PCLO: variants seen among roughly 807,000 people sequenced by gnomAD.
PCLO encodes the protein protein piccolo.
A neutral mutation model predicts 427.5 loss-of-function variants in PCLO; 82 were observed. The observed-to-expected ratio is 0.19, with a 90% CI of 0.16 to 0.23. The LOEUF is 0.23. Ranked by LOEUF, PCLO falls within the 10% of genes least tolerant of loss-of-function variation. The pLI is 1.00. For synonymous variants in PCLO, 2,357 were observed against 2,155.4 expected, an observed-to-expected ratio of 1.09 and a Z score of -2.59; for missense variants, 6,239 against 6,115.9, an observed-to-expected ratio of 1.02 and a Z score of -0.67.
At chr7:82,776,535 C>T (rs1360494161) in intron 22 of PCLO, among the ~76,000 whole-genome samples, 2 of 149,182 alleles carry the variant, frequency 1.3e-5, no homozygotes, top group African/African-American at 2.5e-5. Flanking sequence ...TGACTCATGC[C>T]TGTAATCCCA....
chr7:82,805,541 A>AT (rs1291979315), intron 21 of PCLO, 147 bp downstream of exon 21: 4 of 659,820 alleles, frequency 6.1e-6, no homozygotes, highest in Non-Finnish European at 1.0e-5. Flanking sequence ...TGAACTATCT[A>AT]TTTTTACATA....
intron 3 of PCLO, among the ~76,000 whole-genome samples, chr7:83,035,407 T>A (rs2116169436): frequency 6.6e-6 from 1 of 152,308 alleles, no homozygotes; most frequent in African/African-American, 2.4e-5. Context: ...AGATTTCATA[T>A]CTGACAGTTA....
In PCLO at chr7:82,914,580, C is replaced by CA. The variant is rs1239564178; in HGVS notation, c.13300+105dup. Reference sequence around the variant, plus strand: ...AAAATTGAAGTAAACATGCAAAAGACACACCAAGAAAAGTAGGATACATCT... The same window carrying CA: ...AAAATTGAAGTAAACATGCAAAAGACAACACCAAGAAAAGTAGGATACATCT... On this transcript the variant is annotated intron_variant, in intron 7 of 24. Coordinates refer to ENST00000333891, the MANE Select transcript of PCLO (RefSeq NM_033026.6). 3 of 1,094,904 alleles carry CA rather than the reference C, an allele frequency of 2.7e-6. No homozygotes were observed. In the South Asian group the frequency reaches 4.0e-5, roughly 15 times the overall value. The allele number at this position is 1,094,904 out of a possible 1,614,324, so 67.8% of individuals were successfully genotyped here.
chr7:82,906,131 G>A (rs958792085), intron 8 of PCLO, among the ~76,000 whole-genome samples: 9 of 151,328 alleles, frequency 5.9e-5, no homozygotes, highest in Non-Finnish European at 3.0e-5. Flanking sequence ...TTTAAGATTC[G>A]GTTTATTTTT....
intron 3 of PCLO, among the ~76,000 whole-genome samples, chr7:83,038,087 TTATA>T (rs200769328): frequency 3.0e-5 from 2 of 66,274 alleles, no homozygotes; most frequent in African/African-American, 5.7e-5. Context: ...ATATATATCT[TTATA>T]TATATATATT....
intron 3 of PCLO, among the ~76,000 whole-genome samples, chr7:83,117,534 C>A (rs1214961370): frequency 6.6e-6 from 1 of 152,208 alleles, no homozygotes; most frequent in African/African-American, 2.4e-5. Flanking sequence ...GCCTCAAGAG[C>A]TGACATACTA....
chr7:82,883,950 T>C (rs1018066592), intron 9 of PCLO, among the ~76,000 whole-genome samples: 3 of 152,066 alleles, frequency 2.0e-5, no homozygotes, highest in Non-Finnish European at 2.9e-5. Context: ...TGTGTACTTT[T>C]GGTAGACAGG....
chr7:82,756,144 C>T lies in PCLO; in HGVS notation c.*2431G>A, dbSNP rs1790312921. 6.6e-6 allele frequency: 1 copy of T among 152,124 alleles called. No individual in the cohort carries two copies. Among genetic ancestry groups the T allele is most frequent in the Non-Finnish European group, 1.5e-5 (1 of 68,020 alleles). 9.4% of individuals were successfully genotyped at this position (152,124 alleles called of 1,614,324 possible). On this transcript the variant is annotated 3_prime_UTR_variant, in exon 25 of 25. Coordinates refer to ENST00000333891, the MANE Select transcript of PCLO (RefSeq NM_033026.6). ...AGAAAGCTAACTGGTCATACAAACTCTCATGCATACCTATGGATATGAGTG... is the reference window on the plus strand; with the variant it reads ...AGAAAGCTAACTGGTCATACAAACTTTCATGCATACCTATGGATATGAGTG...
chr7:82,999,756 T>A (rs34339627), intron 3 of PCLO, among the ~76,000 whole-genome samples: 5 of 57,064 alleles, frequency 8.8e-5, no homozygotes, highest in Non-Finnish European at 1.5e-4. Context: ...TATAATATTA[T>A]ATATAAAATA....
chr7:82,879,842 G>C (rs1348876722), intron 9 of PCLO: 1 of 454,814 alleles, frequency 2.2e-6, no homozygotes, highest in Non-Finnish European at 4.4e-6. Context: ...GAGCAGTAAT[G>C]ACTATTCCAA....
At chr7:82,788,451 T>C (rs1487688940) in intron 22 of PCLO, among the ~76,000 whole-genome samples, 1 of 151,926 alleles carries the variant, frequency 6.6e-6, no homozygotes, top group Admixed American at 6.6e-5. Context: ...AATTCCTTAA[T>C]GTTCTCAGCG....
At chr7:82,896,111 C>T (rs1793897760) in intron 9 of PCLO, among the ~76,000 whole-genome samples, 1 of 151,822 alleles carries the variant, frequency 6.6e-6, no homozygotes, top group South Asian at 2.1e-4. Flanking sequence ...CTCACCTTGA[C>T]TATGTGGCAG....
At chr7:83,090,575 A>G (rs1750239952) in intron 3 of PCLO, among the ~76,000 whole-genome samples, 1 of 152,174 alleles carries the variant, frequency 6.6e-6, no homozygotes. Flanking sequence ...TTATTAAATT[A>G]ATTTGCCTTT....
At chr7:82,852,207 T>G (rs993821149) in intron 10 of PCLO, among the ~76,000 whole-genome samples, 1 of 152,158 alleles carries the variant, frequency 6.6e-6, no homozygotes, top group African/African-American at 2.4e-5. Flanking sequence ...TATATTTATT[T>G]TGAAATATAC....
At position 82,758,511 on chromosome 7, in the gene PCLO, T is replaced by A. The variant is rs1790363586; in HGVS notation, c.*64A>T. 7.2e-7 allele frequency: 1 copy of A among 1,390,036 alleles called. No homozygotes were observed. Among genetic ancestry groups the A allele is most frequent in the African/African-American group, 1.5e-5 (1 of 68,624 alleles). 86.1% of individuals were successfully genotyped at this position (1,390,036 alleles called of 1,614,324 possible). A position where few individuals can be genotyped will look rare whatever the true frequency, so the allele number is the denominator to read the frequency against. On this transcript the variant is annotated 3_prime_UTR_variant, in exon 25 of 25. Transcript: ENST00000333891. ...AAAACTTAGCTTTGTACAATAGTAT[T>A]CAACTATAGTCTTGATGTGAGGCTA... is the stretch of plus-strand genomic sequence containing the variant.
At chr7:83,045,081 T>A (rs537193518) in intron 3 of PCLO, among the ~76,000 whole-genome samples, 20 of 152,158 alleles carry the variant, frequency 1.3e-4, no homozygotes, top group Non-Finnish European at 2.8e-4. Context: ...TTCATCTGAT[T>A]AGGCCCTGAT....
chr7:82,931,302 T>C (rs1191784336), intron 6 of PCLO, among the ~76,000 whole-genome samples: 2 of 152,152 alleles, frequency 1.3e-5, no homozygotes, highest in Non-Finnish European at 2.9e-5. Context: ...GGAGAAGCAT[T>C]TCGGCAATCA....
intron 3 of PCLO, among the ~76,000 whole-genome samples, chr7:83,025,329 C>T (rs1428250293): frequency 3.9e-4 from 58 of 150,526 alleles, no homozygotes; most frequent in Admixed American, 2.0e-4. Flanking sequence ...GGAGCCGATG[C>T]GATCAACTGG....
At chr7:82,849,558 T>C (rs908628563) in intron 10 of PCLO, among the ~76,000 whole-genome samples, 2 of 152,180 alleles carry the variant, frequency 1.3e-5, no homozygotes, top group African/African-American at 4.8e-5. Flanking sequence ...CTACAAATTC[T>C]ATGAGCCATA....
Sources: gnomAD v4.1 joint callset for allele counts (sites outside exome capture counted in the v4.1 genomes callset) on GRCh38, gnomAD v4.1.1 for gene constraint, MANE v1.5 for transcripts, NCBI Gene and HGNC (gene_info 2026-07-23, HGNC 2026-07-21) for gene names.